STIM2: variants seen among roughly 807,000 people sequenced by gnomAD.
The protein encoded by STIM2 is stromal interaction molecule 2.
Under a neutral mutation model 85.8 loss-of-function variants are expected in STIM2, and 31 were observed. The observed-to-expected ratio is 0.36, with a 90% CI of 0.27 to 0.49. STIM2 has a LOEUF of 0.49. Ranked by LOEUF, STIM2 falls within the 20% of genes least tolerant of loss-of-function variation. The probability of loss-of-function intolerance (pLI) is 0.98; values close to 1 mark genes in which losing one functional copy is unlikely to be tolerated. For missense variants in STIM2, 841 were observed against 927.6 expected, an observed-to-expected ratio of 0.91 and a Z score of 1.21; for synonymous variants, 356 against 331.1, an observed-to-expected ratio of 1.08 and a Z score of -0.82.
chr4:26,899,580 G>A (rs535727342), intron 1 of STIM2, among the ~76,000 whole-genome samples: 1 of 152,216 alleles, frequency 6.6e-6, no homozygotes, highest in Admixed American at 6.5e-5. Context: ...TTAGTTTTTA[G>A]TTCTTTGAAG....
At chr4:26,966,015 T>G (rs1479716787) in intron 3 of STIM2, among the ~76,000 whole-genome samples, 1 of 152,172 alleles carries the variant, frequency 6.6e-6, no homozygotes, top group Non-Finnish European at 1.5e-5. Flanking sequence ...GAGGTACTAT[T>G]CTAAGATTGT....
chr4:26,938,150 G>T (rs1243402378), intron 2 of STIM2, among the ~76,000 whole-genome samples: 1 of 148,728 alleles, frequency 6.7e-6, no homozygotes, highest in Non-Finnish European at 1.5e-5. Context: ...TTTTTTTTCA[G>T]TAGCACATTT....
intron 3 of STIM2, among the ~76,000 whole-genome samples, chr4:26,981,418 C>G (rs1052178535): frequency 1.3e-5 from 2 of 152,214 alleles, no homozygotes; most frequent in African/African-American, 4.8e-5. Context: ...GTAGAATTCT[C>G]TACCTGCATA....
Position 26,897,860 on chromosome 4 carries a change from G to C in STIM2, c.152-21644G>C, listed in dbSNP as rs1487911065. ...GGCTCACTGTAGCCTTGACCTTCTG[G>C]GGTCAAGGGATCTTTCTGCCTCAGC... On this transcript the variant is annotated intron_variant, in intron 1 of 11. Coordinates refer to ENST00000467087, the MANE Select transcript of STIM2 (RefSeq NM_020860.4). 2.0e-5 allele frequency among the ~76,000 whole-genome samples: 3 copies of C among 152,036 alleles called. No individual in the cohort carries two copies. The South Asian group carries it at 6.2e-4, about 32-fold the overall frequency.
chr4:26,960,659 G>GT (rs1416627280), intron 3 of STIM2, among the ~76,000 whole-genome samples: 1 of 152,106 alleles, frequency 6.6e-6, no homozygotes, highest in African/African-American at 2.4e-5. Flanking sequence ...AAAACTTAAC[G>GT]TTTTTTAAAA....
chr4:26,969,566 G>T (rs1726855333), intron 3 of STIM2, among the ~76,000 whole-genome samples: 1 of 152,164 alleles, frequency 6.6e-6, no homozygotes, highest in Admixed American at 6.5e-5. Context: ...GCATATCCCA[G>T]ATTGCAATGT....
intron 3 of STIM2, among the ~76,000 whole-genome samples, chr4:26,971,195 C>T (rs550288059): frequency 5.9e-5 from 9 of 152,180 alleles, no homozygotes; most frequent in African/African-American, 2.2e-4. Flanking sequence ...TTGTAGGTTA[C>T]CTGTTCACTG....
chr4:26,869,944 T>G (rs551466541), intron 1 of STIM2, among the ~76,000 whole-genome samples: 11 of 152,024 alleles, frequency 7.2e-5, no homozygotes, highest in African/African-American at 2.7e-4. Flanking sequence ...ATGTGATACA[T>G]ACGCACTTGC....
intron 1 of STIM2, among the ~76,000 whole-genome samples, chr4:26,882,451 T>G (rs1340840283): frequency 1.4e-5 from 2 of 144,852 alleles, no homozygotes; most frequent in African/African-American, 5.5e-5. Flanking sequence ...CTTTCTTTCT[T>G]TCTTTTTTTT....
chr4:26,908,405 C>T (rs2109057501), intron 1 of STIM2, among the ~76,000 whole-genome samples: 1 of 152,290 alleles, frequency 6.6e-6, no homozygotes, highest in East Asian at 1.9e-4. Context: ...TTGGTTTAGT[C>T]ATCATGAGAA....
chr4:26,945,908 C>T (rs1304966619), intron 2 of STIM2, among the ~76,000 whole-genome samples: 2 of 152,002 alleles, frequency 1.3e-5, no homozygotes, highest in South Asian at 2.1e-4. Context: ...AATAAAGTCT[C>T]GGAATCCATG....
At chr4:26,983,086 A>G (rs1727458830) in intron 3 of STIM2, among the ~76,000 whole-genome samples, 1 of 152,166 alleles carries the variant, frequency 6.6e-6, no homozygotes, top group Admixed American at 6.5e-5. Flanking sequence ...TCTCATCCCC[A>G]TGTGGGACCA....
chr4:26,888,291 A>G (rs940712611), intron 1 of STIM2, among the ~76,000 whole-genome samples: 3 of 152,220 alleles, frequency 2.0e-5, no homozygotes, highest in African/African-American at 7.2e-5. Context: ...CTAACATAAT[A>G]TGAATATCCT....
At chr4:26,882,436 A>AATTT (rs1283925564) in intron 1 of STIM2, among the ~76,000 whole-genome samples, 2 of 102,336 alleles carry the variant, frequency 2.0e-5, no homozygotes, top group African/African-American at 4.8e-5. Context: ...TAGTTTCTTA[A>AATTT]ATTTCTTTCT....
At chr4:26,898,896 T>A (rs948807635) in intron 1 of STIM2, among the ~76,000 whole-genome samples, 3 of 152,178 alleles carry the variant, frequency 2.0e-5, no homozygotes, top group African/African-American at 7.2e-5. Flanking sequence ...TTAGCAATCT[T>A]TCTAAATTCT....
chr4:26,970,083 TGTC>T (rs1191168013), intron 3 of STIM2, among the ~76,000 whole-genome samples: 2 of 150,986 alleles, frequency 1.3e-5, no homozygotes, highest in East Asian at 3.9e-4. Flanking sequence ...AGGCTAACAT[TGTC>T]TTGCATTTTT....
At chr4:26,969,820 T>G (rs1182745564) in intron 3 of STIM2, among the ~76,000 whole-genome samples, 1 of 152,138 alleles carries the variant, frequency 6.6e-6, no homozygotes, top group Non-Finnish European at 1.5e-5. Context: ...CACTCTAGAT[T>G]CTAGTGGAAC....
At chr4:26,952,913 T>G (rs931991159) in intron 2 of STIM2, among the ~76,000 whole-genome samples, 1 of 152,108 alleles carries the variant, frequency 6.6e-6, no homozygotes, top group Non-Finnish European at 1.5e-5. Context: ...TTAGCCTTAG[T>G]TTTTTCATCT....
At chr4:26,872,125 G>A (rs1722641752) in intron 1 of STIM2, among the ~76,000 whole-genome samples, 1 of 152,160 alleles carries the variant, frequency 6.6e-6, no homozygotes. Flanking sequence ...TTGTAGAAAT[G>A]TGCTTTGATT....
Sources: gnomAD v4.1 joint callset for allele counts (sites outside exome capture counted in the v4.1 genomes callset) on GRCh38, gnomAD v4.1.1 for gene constraint, MANE v1.5 for transcripts, NCBI Gene and HGNC (gene_info 2026-07-23, HGNC 2026-07-21) for gene names.